CYRIB: variants seen among roughly 807,000 people sequenced by gnomAD.
CYRIB encodes the protein CYFIP related Rac1 interactor B.
CYRIB carries 8 observed loss-of-function variants against 44.2 expected under a neutral mutation model. The observed-to-expected ratio is 0.18, with a 90% CI of 0.11 to 0.33. The LOEUF is 0.33. Ranked by LOEUF, CYRIB falls within the 10% of genes least tolerant of loss-of-function variation. The probability of loss-of-function intolerance (pLI) is 1.00; values close to 1 mark genes in which losing one functional copy is unlikely to be tolerated. For missense variants in CYRIB, 185 were observed against 382.8 expected, an observed-to-expected ratio of 0.48 and a Z score of 4.31; for synonymous variants, 131 against 127.2, an observed-to-expected ratio of 1.03 and a Z score of -0.20.
At chr8:129,974,724 T>G (rs1339508945) in intron 1 of CYRIB, among the ~76,000 whole-genome samples, 1 of 151,706 alleles carries the variant, frequency 6.6e-6, no homozygotes, top group Non-Finnish European at 1.5e-5. Context: ...ACAGATTTTT[T>G]TTTTTTTAAA....
intron 6 of CYRIB, 143 bp from the exon 9 acceptor site, chr8:129,854,486 A>G: frequency 1.7e-6 from 1 of 595,286 alleles, no homozygotes; most frequent in South Asian, 2.3e-5. Flanking sequence ...GGTATAATCC[A>G]AGGTGGCTTA....
intron 2 of CYRIB, among the ~76,000 whole-genome samples, chr8:129,946,841 C>T (rs2094174707): frequency 6.6e-6 from 1 of 152,208 alleles, no homozygotes. Context: ...CACTGCATCA[C>T]ATTGGCTGTT....
chr8:129,862,114 T>C (rs989393216), intron 5 of CYRIB, 115 bp downstream of exon 7: 1 of 708,470 alleles, frequency 1.4e-6, no homozygotes, highest in Non-Finnish European at 2.4e-6. Flanking sequence ...GCTTTACTTA[T>C]AAAACAGATA....
chr8:129,998,947 A>G (rs945431856), intron 1 of CYRIB, among the ~76,000 whole-genome samples: 44 of 152,290 alleles, frequency 2.9e-4, no homozygotes, highest in African/African-American at 8.7e-4. Context: ...TGCTCGATCA[A>G]TGCTAAGTAG....
At chr8:129,978,652 A>G (rs2096067082) in intron 1 of CYRIB, among the ~76,000 whole-genome samples, 4 of 152,148 alleles carry the variant, frequency 2.6e-5, no homozygotes, top group Admixed American at 2.6e-4. Flanking sequence ...CACTCCATCA[A>G]TGTGTGTTAT....
At chr8:129,930,380 T>TATATA (rs1391611901) in intron 1 of CYRIB, among the ~76,000 whole-genome samples, 10 of 124,794 alleles carry the variant, frequency 8.0e-5, no homozygotes, top group Admixed American at 2.4e-4. Context: ...TATATATATA[T>TATATA]TTTAATTATT....
intron 2 of CYRIB, among the ~76,000 whole-genome samples, chr8:129,945,068 G>A (rs181767972): frequency 1.1e-3 from 165 of 152,274 alleles, no homozygotes; most frequent in Middle Eastern, 0.01. Context: ...TAGGCAAAAG[G>A]TGTTGGAGAA....
At chr8:129,930,611 C>T (rs1014342842) in intron 1 of CYRIB, among the ~76,000 whole-genome samples, 5 of 151,782 alleles carry the variant, frequency 3.3e-5, no homozygotes, top group Middle Eastern at 3.2e-3. Flanking sequence ...TTGTCACCAT[C>T]GCACATACCA....
At chr8:129,986,889 T>C (rs996232186) in intron 1 of CYRIB, among the ~76,000 whole-genome samples, 8 of 152,194 alleles carry the variant, frequency 5.3e-5, no homozygotes, top group African/African-American at 1.9e-4. Context: ...TGTCTTCCTC[T>C]GGGGCATCCC....
At chr8:129,913,583 A>C (rs1262599081) in intron 1 of CYRIB, among the ~76,000 whole-genome samples, 1 of 152,268 alleles carries the variant, frequency 6.6e-6, no homozygotes, top group Non-Finnish European at 1.5e-5. Flanking sequence ...AAACTTACAA[A>C]GTGGAAATTC....
intron 1 of CYRIB, among the ~76,000 whole-genome samples, chr8:129,987,516 C>G (rs907487059): frequency 6.6e-6 from 1 of 151,348 alleles, no homozygotes. Flanking sequence ...ACTACATTCT[C>G]TCGCCTGCCA....
chr8:129,968,426 A>C (rs1239235482), intron 2 of CYRIB, among the ~76,000 whole-genome samples: 1 of 151,974 alleles, frequency 6.6e-6, no homozygotes. Flanking sequence ...TTTCTTGTGA[A>C]CCTAAACTAA....
chr8:129,966,298 A>G (rs1168328232), intron 2 of CYRIB, among the ~76,000 whole-genome samples: 1 of 152,236 alleles, frequency 6.6e-6, no homozygotes, highest in Non-Finnish European at 1.5e-5. Context: ...AAAATCCTTG[A>G]AGCAGAATTG....
intron 1 of CYRIB, among the ~76,000 whole-genome samples, chr8:130,006,002 C>T (rs2097052071): frequency 6.6e-6 from 1 of 151,936 alleles, no homozygotes; most frequent in African/African-American, 2.4e-5. Context: ...TTAGAATGCT[C>T]ATTAAAAATA....
intron 1 of CYRIB, among the ~76,000 whole-genome samples, chr8:129,930,601 T>A (rs1055077567): frequency 6.6e-6 from 1 of 151,820 alleles, no homozygotes; most frequent in African/African-American, 2.4e-5. Context: ...CACTAGCCAG[T>A]TGTCACCATC....
chr8:129,863,050 C>T (rs1160653541), intron 4 of CYRIB, among the ~76,000 whole-genome samples: 3 of 152,132 alleles, frequency 2.0e-5, no homozygotes, highest in Non-Finnish European at 4.4e-5. Context: ...CACAGAGTCT[C>T]TTAGTATTTC....
intron 1 of CYRIB, among the ~76,000 whole-genome samples, chr8:130,015,786 A>C (rs1415316386): frequency 6.6e-6 from 1 of 152,228 alleles, no homozygotes; most frequent in Non-Finnish European, 1.5e-5. Flanking sequence ...AAAGATAATG[A>C]AAAGATAAAA....
At position 129,898,263 on chromosome 8, in the gene CYRIB, G is replaced by A. The variant is rs186781072; in HGVS notation, c.-11+5049C>T. On this transcript the variant is annotated intron_variant, in intron 2 of 11. Coordinates refer to ENST00000519824, the Ensembl canonical transcript of CYRIB. Reference sequence around the variant, plus strand: ...GCTAATGTTAAGTTAATAAATGAACGTTTATTGTGGCACATACAATTCATC... The same window carrying A: ...GCTAATGTTAAGTTAATAAATGAACATTTATTGTGGCACATACAATTCATC... Among the ~76,000 whole-genome samples the A allele has an allele frequency of 5.3e-4, 81 of 151,992 alleles. No individual in the cohort carries two copies. The South Asian group carries it at 0.01, about 20-fold the overall frequency.
chr8:130,014,066 A>C (rs1564858181), intron 1 of CYRIB, among the ~76,000 whole-genome samples: 1 of 152,024 alleles, frequency 6.6e-6, no homozygotes, highest in Non-Finnish European at 1.5e-5. Context: ...CAAGTCCTGC[A>C]CTCTCTCTAA....
Sources: allele counts gnomAD v4.1 joint callset (sites outside exome capture counted in the v4.1 genomes callset), GRCh38; gene constraint gnomAD v4.1.1; transcripts MANE v1.5; gene names NCBI Gene and HGNC (gene_info 2026-07-23, HGNC 2026-07-21).